SOX6: variants seen among roughly 807,000 people sequenced by gnomAD.
SOX6 encodes the protein SRY-box transcription factor 6.
A neutral mutation model predicts 97.8 loss-of-function variants in SOX6; 11 were observed. That is an observed-to-expected ratio of 0.11 (90% CI 0.07 to 0.19). SOX6 has a LOEUF of 0.19. Ranked by LOEUF, SOX6 falls within the 10% of genes least tolerant of loss-of-function variation. SOX6 has a pLI of 1.00. For synonymous variants in SOX6, 360 were observed against 371.4 expected (o/e 0.97, Z 0.35); for missense variants, 810 against 1,039.5 (o/e 0.78, Z 3.04).
chr11:16,074,939 G>C (rs1848317080), intron 9 of SOX6, among the ~76,000 whole-genome samples: 6 of 152,044 alleles, frequency 3.9e-5, no homozygotes, highest in Admixed American at 3.9e-4. Flanking sequence ...TATAAAGGTG[G>C]AGGCATCACA....
At chr11:16,425,929 A>G (rs1859118555) in intron 1 of SOX6, among the ~76,000 whole-genome samples, 1 of 151,354 alleles carries the variant, frequency 6.6e-6, no homozygotes, top group African/African-American at 2.4e-5. Context: ...CTAGTAAACT[A>G]CCATTGAGAT....
At position 16,393,762 on chromosome 11, in the gene SOX6, T is replaced by C. The variant is rs781243559; in HGVS notation, c.-4-52510A>G. 2.7e-4 allele frequency among the ~76,000 whole-genome samples: 41 copies of C among 152,082 alleles called. 2 individuals are homozygous for C. Among genetic ancestry groups the C allele is most frequent in the Non-Finnish European group, 7.4e-5 (5 of 67,974 alleles). On this transcript the variant is annotated intron_variant, in intron 1 of 15. Coordinates refer to the SOX6 transcript ENST00000396356. ...TCTGCTAATTACATGCCTTTAACCATCTCAGTTCCATATGCTGGAAATTGT... is the reference window on the plus strand; with the variant it reads ...TCTGCTAATTACATGCCTTTAACCACCTCAGTTCCATATGCTGGAAATTGT...
chr11:16,143,094 C>G (rs961015733), intron 6 of SOX6, among the ~76,000 whole-genome samples: 2 of 152,056 alleles, frequency 1.3e-5, no homozygotes, highest in Admixed American at 6.6e-5. Flanking sequence ...TTAAGGGCAG[C>G]CAGAGAGAAA....
At chr11:16,234,506 A>G in intron 4 of SOX6, 76 bp downstream of exon 4, 1 of 834,878 alleles carries the variant, frequency 1.2e-6, no homozygotes, top group Non-Finnish European at 2.0e-6. Flanking sequence ...ACAGTACAGA[A>G]GATCAGCAAA....
At chr11:16,462,588 C>T (rs1397260003) in intron 1 of SOX6, among the ~76,000 whole-genome samples, 2 of 152,040 alleles carry the variant, frequency 1.3e-5, no homozygotes, top group African/African-American at 4.8e-5. Flanking sequence ...AAGCATTATG[C>T]AAAAACAAAA....
chr11:16,365,432 C>A (rs957150725), intron 1 of SOX6, among the ~76,000 whole-genome samples: 1 of 151,864 alleles, frequency 6.6e-6, no homozygotes, highest in South Asian at 2.1e-4. Flanking sequence ...AGTCATTGCA[C>A]CATGTAAACA....
chr11:16,066,730 G>C (rs1848102928), intron 9 of SOX6, among the ~76,000 whole-genome samples: 1 of 152,124 alleles, frequency 6.6e-6, no homozygotes, highest in African/African-American at 2.4e-5. Flanking sequence ...AGAGTAGAAA[G>C]ATGGTTATCA....
intron 15 of SOX6, among the ~76,000 whole-genome samples, chr11:15,976,643 C>G (rs1242263013): frequency 1.3e-5 from 2 of 152,090 alleles, no homozygotes; most frequent in African/African-American, 4.8e-5. Flanking sequence ...GGTTCACAAG[C>G]CTGGCCAGGA....
At chr11:16,237,360 T>C (rs953335726) in intron 3 of SOX6, among the ~76,000 whole-genome samples, 1 of 152,042 alleles carries the variant, frequency 6.6e-6, no homozygotes, top group Non-Finnish European at 1.5e-5. Context: ...TGATTTGAAA[T>C]GAGAAAATAT....
At position 15,972,755 on chromosome 11, in the gene SOX6, G is replaced by T. The variant is rs1057006375; in HGVS notation, c.*54C>A. On this transcript the variant is annotated 3_prime_UTR_variant, in exon 16 of 16. Transcript: ENST00000683767. ...CATGCGGGCTCTTTAATAACTCTTT[G>T]TTGGGGAGGGGGGTGAAATGTCAGA... The T allele has an allele frequency of 8.2e-6, 13 of 1,590,848 alleles. No individual in the cohort carries two copies. The African/African-American group carries it at 1.1e-4, about 13-fold the overall frequency.
intron 6 of SOX6, among the ~76,000 whole-genome samples, chr11:16,175,422 C>G (rs1251855565): frequency 6.6e-6 from 1 of 151,906 alleles, no homozygotes; most frequent in Non-Finnish European, 1.5e-5. Flanking sequence ...TGTCTTACAG[C>G]TACTAAGTAA....
chr11:16,184,000 C>T (rs2134102145), intron 5 of SOX6, 46 bp from the exon 6 acceptor site: 1 of 1,508,518 alleles, frequency 6.6e-7, no homozygotes, highest in Non-Finnish European at 9.2e-7. Context: ...ATGCTTACAC[C>T]TCTGCCATTA....
chr11:16,539,433 T>A (rs1161669848), intron 4 of SOX6, among the ~76,000 whole-genome samples: 3 of 151,774 alleles, frequency 2.0e-5, no homozygotes, highest in South Asian at 4.2e-4. Flanking sequence ...AACAAATAAA[T>A]TCAAAAGCTA....
intron 4 of SOX6, among the ~76,000 whole-genome samples, chr11:16,529,310 G>T (rs1861208251): frequency 6.6e-6 from 1 of 152,096 alleles, no homozygotes; most frequent in Admixed American, 6.6e-5. Context: ...CTTATAGCAG[G>T]CCTCCAAGCC....
chr11:16,274,368 C>T (rs1159499759), intron 3 of SOX6, among the ~76,000 whole-genome samples: 1 of 151,994 alleles, frequency 6.6e-6, no homozygotes, highest in Non-Finnish European at 1.5e-5. Flanking sequence ...GTCCACCCAT[C>T]CATATGCCCA....
At chr11:16,550,308 G>A (rs553801856) in intron 4 of SOX6, among the ~76,000 whole-genome samples, 2 of 152,136 alleles carry the variant, frequency 1.3e-5, no homozygotes, top group Admixed American at 6.5e-5. Flanking sequence ...ACACACCAGG[G>A]CCTGTCTTGG....
chr11:16,074,463 A>G (rs1314798916), intron 9 of SOX6, among the ~76,000 whole-genome samples: 1 of 152,202 alleles, frequency 6.6e-6, no homozygotes, highest in Non-Finnish European at 1.5e-5. Flanking sequence ...GCCTACCGAC[A>G]AGAAAAATCC....
At chr11:16,458,904 G>A (rs1361312650) in intron 1 of SOX6, among the ~76,000 whole-genome samples, 1 of 152,056 alleles carries the variant, frequency 6.6e-6, no homozygotes, top group Non-Finnish European at 1.5e-5. Flanking sequence ...GAGTTAAGAA[G>A]ATGGAGCTTG....
chr11:16,441,428 G>A (rs1224365719), intron 1 of SOX6, among the ~76,000 whole-genome samples: 2 of 152,006 alleles, frequency 1.3e-5, no homozygotes, highest in Non-Finnish European at 2.9e-5. Context: ...AACACTCAAG[G>A]TGTCCTGTAG....
Sources: allele counts gnomAD v4.1 joint callset (sites outside exome capture counted in the v4.1 genomes callset), GRCh38; gene constraint gnomAD v4.1.1; transcripts MANE v1.5; gene names NCBI Gene and HGNC (gene_info 2026-07-23, HGNC 2026-07-21).